The following WDFY3 variants were observed in gnomAD, a reference collection of about 807,000 sequenced individuals.
WDFY3 encodes WD repeat and FYVE domain containing 3.
WDFY3 carries 66 observed loss-of-function variants against 409.6 expected under a neutral mutation model. The observed-to-expected ratio is 0.16, with a 90% confidence interval of 0.13 to 0.20. The LOEUF (loss-of-function observed/expected upper bound fraction) is 0.20, where lower values mean the gene tolerates loss of function less well. Ranked by LOEUF, WDFY3 falls within the 10% of genes least tolerant of loss-of-function variation. The pLI is 1.00. For synonymous variants in WDFY3, 1,521 were observed against 1,537.1 expected, an observed-to-expected ratio of 0.99 and a Z score of 0.25; for missense variants, 3,031 against 4,298.1, an observed-to-expected ratio of 0.71 and a Z score of 8.24.
chr4:84,814,780 C>G (rs1452937752), intron 13 of WDFY3, among the ~76,000 whole-genome samples: 1 of 151,950 alleles, frequency 6.6e-6, no homozygotes, highest in Middle Eastern at 3.2e-3. Flanking sequence ...TCTTACTGTG[C>G]CTAATTTATA....
chr4:84,903,947 G>T (rs1766671645), intron 2 of WDFY3, among the ~76,000 whole-genome samples: 1 of 152,098 alleles, frequency 6.6e-6, no homozygotes, highest in Non-Finnish European at 1.5e-5. Context: ...GCTATGGTCT[G>T]AATATTTGTG....
Position 84,831,432 on chromosome 4 carries a change from A to G in WDFY3, c.750T>C (p.Asn250=). 4 of 1,610,834 alleles carry G rather than the reference A, an allele frequency of 2.5e-6. No homozygotes were observed. The highest frequency in any genetic ancestry group is 3.4e-6 in the Non-Finnish European group (4 of 1,178,426). Residue 250 remains asparagine, a synonymous_variant, in exon 8 of 68, where the codon AAT becomes AAC. Transcript: ENST00000295888. Reference sequence around the variant, plus strand: ...ATTCACCATGAATATACTTCACTACATTGACACTAAGACCATGACGAGATA... The same window carrying G: ...ATTCACCATGAATATACTTCACTACGTTGACACTAAGACCATGACGAGATA... The part of the protein sequence containing the change: ...MTISRHGLSV[N]VVKYIHEKEC...
At chr4:84,684,304 C>CA (rs1340455860) in intron 62 of WDFY3, among the ~76,000 whole-genome samples, 179 bp from the exon 63 acceptor site, 1 of 152,138 alleles carries the variant, frequency 6.6e-6, no homozygotes, top group East Asian at 1.9e-4. Flanking sequence ...ATACTCCGAA[C>CA]AGAGGCTTCT....
intron 25 of WDFY3, among the ~76,000 whole-genome samples, chr4:84,781,527 T>C (rs1434377509): frequency 2.0e-5 from 3 of 151,672 alleles, no homozygotes; most frequent in Admixed American, 1.3e-4. Context: ...TGGGATTACA[T>C]GGTGTGAACC....
chr4:84,879,300 G>C (rs1763180604), intron 3 of WDFY3: 1 of 152,090 alleles, frequency 6.6e-6, no homozygotes, highest in East Asian at 1.9e-4. Context: ...ACCTATCATA[G>C]GTAGTTCATG....
chr4:84,767,910 C>T (rs891195132), intron 30 of WDFY3, among the ~76,000 whole-genome samples: 2 of 151,892 alleles, frequency 1.3e-5, no homozygotes, highest in African/African-American at 4.8e-5. Flanking sequence ...ATAGTTGGAC[C>T]CTGTCTCTAA....
At position 84,786,281 on chromosome 4, in the gene WDFY3, C is replaced by T. The variant is rs552759635; in HGVS notation, c.3902-142G>A. On this transcript the variant is annotated intron_variant, in intron 23 of 67. Transcript: ENST00000295888. ...GAGAGGTAAATTTAAAAACTATCTT[C>T]TCAGCTCTTCATTTATTTCTTTAAT... The T allele has an allele frequency of 1.4e-5, 11 of 759,956 alleles. No homozygotes were observed. In the South Asian group the frequency reaches 1.9e-4, roughly 13 times the overall value. The allele number at this position is 759,956 out of a possible 1,614,324, so 47.1% of individuals were successfully genotyped here.
intron 50 of WDFY3, among the ~76,000 whole-genome samples, chr4:84,714,005 A>G (rs1371465869): frequency 1.3e-5 from 2 of 152,044 alleles, no homozygotes; most frequent in Admixed American, 6.5e-5. Flanking sequence ...TATCCCAGCT[A>G]ATTGGGAGGC....
chr4:84,900,891 GC>G (rs1166666334), intron 2 of WDFY3, among the ~76,000 whole-genome samples: 1 of 152,202 alleles, frequency 6.6e-6, no homozygotes, highest in Non-Finnish European at 1.5e-5. Context: ...GTTTATTTGT[GC>G]TGTGATAACA....
chr4:84,834,617 C>T (rs890788416), intron 7 of WDFY3, among the ~76,000 whole-genome samples: 34 of 152,152 alleles, frequency 2.2e-4, no homozygotes, highest in African/African-American at 8.2e-4. Context: ...CACCACCGCA[C>T]TCCGGCCTGG....
rs968132362 is a variant in WDFY3, at chr4:84,909,076, G to A, written c.-131-12066C>T. 4.2e-4 allele frequency among the ~76,000 whole-genome samples: 64 copies of A among 151,594 alleles called. 1 individual carries two copies. Among genetic ancestry groups the A allele is most frequent in the Admixed American group, 3.5e-3 (53 of 15,230 alleles). On this transcript the variant is annotated intron_variant, in intron 2 of 67. Transcript: ENST00000295888. ...CACACACACAAAAATATTTACTGAC[G>A]GAATTTGTTTCATAATACAGGGATA...
intron 12 of WDFY3, among the ~76,000 whole-genome samples, chr4:84,818,015 AAAATT>A (rs1753555880): frequency 6.6e-6 from 1 of 152,200 alleles, no homozygotes; most frequent in African/African-American, 2.4e-5. Context: ...CACCATGGGA[AAAATT>A]ACAAGGAACC....
intron 3 of WDFY3, among the ~76,000 whole-genome samples, chr4:84,875,974 G>T (rs1762729131): frequency 6.6e-6 from 1 of 152,148 alleles, no homozygotes; most frequent in Non-Finnish European, 1.5e-5. Flanking sequence ...CTAAAATAAA[G>T]ATTAAAAGTA....
At chr4:84,897,953 G>A (rs1292533870) in intron 2 of WDFY3, among the ~76,000 whole-genome samples, 6 of 152,128 alleles carry the variant, frequency 3.9e-5, no homozygotes, top group Non-Finnish European at 8.8e-5. Flanking sequence ...CTGCTTGACT[G>A]CAAAAATCAA....
intron 4 of WDFY3, among the ~76,000 whole-genome samples, chr4:84,854,146 G>A (rs751189168): frequency 1.5e-4 from 23 of 152,164 alleles, no homozygotes; most frequent in Non-Finnish European, 3.2e-4. Context: ...GGTGCCAAAG[G>A]ATGACACTGA....
chr4:84,673,794 T>A (rs2148701162), intron 67 of WDFY3, among the ~76,000 whole-genome samples: 1 of 152,214 alleles, frequency 6.6e-6, no homozygotes, highest in Admixed American at 6.5e-5. Context: ...AAAATTTTTT[T>A]TTGGTAGGGA....
intron 7 of WDFY3, among the ~76,000 whole-genome samples, chr4:84,834,490 C>CAA (rs199974982): frequency 2.0e-4 from 28 of 142,210 alleles, no homozygotes; most frequent in East Asian, 1.4e-3. Flanking sequence ...CTACTAAAAA[C>CAA]AAAAAAAAAA....
chr4:84,961,406 T>C (rs1236242852), intron 1 of WDFY3, among the ~76,000 whole-genome samples: 1 of 151,598 alleles, frequency 6.6e-6, no homozygotes, highest in African/African-American at 2.4e-5. Context: ...CAAGTAAAAT[T>C]GAAAAAAAAA....
chr4:84,886,775 C>A (rs1372446403), intron 3 of WDFY3, among the ~76,000 whole-genome samples: 1 of 152,104 alleles, frequency 6.6e-6, no homozygotes, highest in Non-Finnish European at 1.5e-5. Context: ...TTCAGACAAA[C>A]CTACCCATGG....
Sources: gnomAD v4.1 joint callset for allele counts (sites outside exome capture counted in the v4.1 genomes callset) on GRCh38, gnomAD v4.1.1 for gene constraint, MANE v1.5 for transcripts, NCBI Gene and HGNC (gene_info 2026-07-23, HGNC 2026-07-21) for gene names.